LAMC1: variants seen among roughly 807,000 people sequenced by gnomAD.
LAMC1 encodes laminin subunit gamma 1, also known as laminin subunit gamma-1.
In LAMC1, 38 loss-of-function variants were observed where a neutral mutation model predicts 173.6. The ratio of observed to expected loss-of-function variants is 0.22; its 90% CI spans 0.17 to 0.29. LAMC1 has a LOEUF of 0.29. Ranked by LOEUF, LAMC1 falls within the 10% of genes least tolerant of loss-of-function variation. The pLI is 1.00. For missense variants in LAMC1, 1,824 were observed against 2,051.8 expected (o/e 0.89, Z 2.14); for synonymous variants, 746 against 749.1 (o/e 1.00, Z 0.07).
intron 26 of LAMC1, 54 bp downstream of exon 26, chr1:183,137,881 A>G: frequency 7.1e-7 from 1 of 1,400,872 alleles, no homozygotes; most frequent in East Asian, 2.6e-5. Flanking sequence ...GTGTTTAATA[A>G]TAAAGATCCC....
At chr1:183,065,320 T>A (rs1052529826) in intron 1 of LAMC1, among the ~76,000 whole-genome samples, 2 of 152,142 alleles carry the variant, frequency 1.3e-5, no homozygotes, top group Non-Finnish European at 2.9e-5. Context: ...TTTAAGTAAT[T>A]GACTTATGTG....
intron 2 of LAMC1, among the ~76,000 whole-genome samples, chr1:183,107,478 AT>A (rs1558050103): frequency 6.6e-6 from 1 of 152,170 alleles, no homozygotes; most frequent in Non-Finnish European, 1.5e-5. Flanking sequence ...GTACTTGAGC[AT>A]CTCCCTCAGA....
chr1:183,108,732 C>T (rs1426959395), intron 3 of LAMC1, among the ~76,000 whole-genome samples: 1 of 152,202 alleles, frequency 6.6e-6, no homozygotes, highest in East Asian at 1.9e-4. Flanking sequence ...TAAGACTCAC[C>T]TTATCCTACG....
intron 2 of LAMC1, among the ~76,000 whole-genome samples, chr1:183,104,496 G>T (rs1472913115): frequency 7.2e-5 from 11 of 152,210 alleles, no homozygotes. Flanking sequence ...ACCACATGGG[G>T]ATAGCCTTTG....
chr1:183,085,422 G>T (rs983462727), intron 1 of LAMC1, among the ~76,000 whole-genome samples: 2 of 152,102 alleles, frequency 1.3e-5, no homozygotes, highest in Non-Finnish European at 2.9e-5. Flanking sequence ...GAGTGCAGTA[G>T]TGTGAATATG....
intron 1 of LAMC1, among the ~76,000 whole-genome samples, chr1:183,094,902 A>T (rs962445938): frequency 6.6e-6 from 1 of 150,394 alleles, no homozygotes; most frequent in Non-Finnish European, 1.5e-5. Flanking sequence ...GCTGGAGTAC[A>T]GTAACACGAT....
chr1:183,112,830 TAAA>T (rs1558051857), intron 4 of LAMC1, among the ~76,000 whole-genome samples: 1 of 152,136 alleles, frequency 6.6e-6, no homozygotes, highest in South Asian at 2.1e-4. Context: ...CTCAAGTTTC[TAAA>T]AAAGTTTTCA....
intron 1 of LAMC1, among the ~76,000 whole-genome samples, chr1:183,058,314 G>A (rs1654651647): frequency 6.6e-6 from 1 of 152,122 alleles, no homozygotes; most frequent in African/African-American, 2.4e-5. Context: ...ACAATGCTTT[G>A]CATTTTGTAC....
At chr1:183,053,521 C>T (rs1417227372) in intron 1 of LAMC1, among the ~76,000 whole-genome samples, 1 of 151,956 alleles carries the variant, frequency 6.6e-6, no homozygotes, top group East Asian at 1.9e-4. Context: ...CATCAGCTCT[C>T]CTGAGAGAAT....
intron 20 of LAMC1, among the ~76,000 whole-genome samples, 190 bp downstream of exon 20, chr1:183,131,568 A>C (rs1656792959): frequency 6.6e-6 from 1 of 151,736 alleles, no homozygotes; most frequent in South Asian, 2.1e-4. Context: ...TCTTCCTTTT[A>C]CTTTGACATT....
intron 1 of LAMC1, among the ~76,000 whole-genome samples, chr1:183,048,685 T>G (rs923640449): frequency 6.6e-6 from 1 of 152,172 alleles, no homozygotes; most frequent in African/African-American, 2.4e-5. Flanking sequence ...GATTATATAA[T>G]TTATGAGTTT....
intron 1 of LAMC1, among the ~76,000 whole-genome samples, chr1:183,084,151 G>A (rs538463034): frequency 6.6e-6 from 1 of 152,048 alleles, no homozygotes; most frequent in Non-Finnish European, 1.5e-5. Context: ...TCAGGAGATC[G>A]AGACCAAGTG....
At chr1:183,129,234 T>C (rs1184104084) in intron 18 of LAMC1, among the ~76,000 whole-genome samples, 2 of 125,066 alleles carry the variant, frequency 1.6e-5, no homozygotes, top group East Asian at 5.0e-4. Flanking sequence ...TACAGGCACA[T>C]GCCCACCATG....
In LAMC1 at chr1:183,110,563, C is replaced by T; in HGVS notation, c.930C>T (p.Asn310=). ...FDKLVCNCKH[N]TYGVDCEKCL... ...AGCTGGTGTGTAATTGCAAACATAA[C>T]ACATATGGAGTAGACTGTGAAAAGT... The change falls in exon 4 of 28, where the codon AAC becomes AAT. Residue 310 remains asparagine, a synonymous_variant. Coordinates refer to ENST00000258341, the MANE Select transcript of LAMC1 (RefSeq NM_002293.4). 1.2e-6 allele frequency: 2 copies of T among 1,613,916 alleles called. No individual in the cohort carries two copies. The highest frequency in any genetic ancestry group is 1.3e-5 in the African/African-American group (1 of 75,016).
At chr1:183,077,960 C>T (rs1006566579) in intron 1 of LAMC1, among the ~76,000 whole-genome samples, 3 of 151,356 alleles carry the variant, frequency 2.0e-5, no homozygotes, top group Non-Finnish European at 4.4e-5. Flanking sequence ...TTTATTCAAC[C>T]CTGACATTAT....
Position 183,068,162 on chromosome 1 carries a change from T to A in LAMC1, c.419-35166T>A, listed in dbSNP as rs183622189. ...AAATTGAAAATGGATTTCTTTTTTT[T>A]AAAAAAGGCCTTTGTTACAATCTTA... On this transcript the variant is annotated intron_variant, in intron 1 of 27. Coordinates refer to ENST00000258341, the MANE Select transcript of LAMC1 (RefSeq NM_002293.4). Among the ~76,000 whole-genome samples the A allele has an allele frequency of 1.3e-3, 198 of 152,244 alleles. 1 individual carries two copies. Among genetic ancestry groups the A allele is most frequent in the Non-Finnish European group, 5.0e-4 (34 of 68,012 alleles).
At chr1:183,135,933 T>C (rs1656927082) in intron 24 of LAMC1, among the ~76,000 whole-genome samples, 1 of 151,164 alleles carries the variant, frequency 6.6e-6, no homozygotes, top group Non-Finnish European at 1.5e-5. Flanking sequence ...ATATGGACTC[T>C]GGTGTCAGTG....
At chr1:183,125,104 A>G (rs1371319297) in intron 14 of LAMC1, 1 of 598,088 alleles carries the variant, frequency 1.7e-6, no homozygotes, top group East Asian at 2.8e-5. Flanking sequence ...AATGAATACT[A>G]ATGTATTTTA....
chr1:183,053,633 GT>G (rs935100802), intron 1 of LAMC1, among the ~76,000 whole-genome samples: 100 of 145,196 alleles, frequency 6.9e-4, no homozygotes, highest in African/African-American at 1.3e-3. Context: ...GATAGTTTTG[GT>G]TTTTTTTTTT....
Sources: allele counts gnomAD v4.1 joint callset (sites outside exome capture counted in the v4.1 genomes callset), GRCh38; gene constraint gnomAD v4.1.1; transcripts MANE v1.5; gene names NCBI Gene and HGNC (gene_info 2026-07-23, HGNC 2026-07-21).